The following PKIG variants were observed in gnomAD, a reference collection of about 807,000 sequenced individuals.
The protein encoded by PKIG is cAMP-dependent protein kinase inhibitor gamma.
Under a neutral mutation model 6.8 loss-of-function variants are expected in PKIG, and 1 was observed. The ratio of observed to expected loss-of-function variants is 0.15; its 90% CI spans 0.05 to 0.69. The LOEUF (loss-of-function observed/expected upper bound fraction) is 0.69. PKIG is among the 30% of genes least tolerant of loss of function. PKIG has a pLI of 0.82. For missense variants in PKIG, 77 were observed against 104.0 expected, an observed-to-expected ratio of 0.74 and a Z score of 1.13; for synonymous variants, 39 against 43.0, an observed-to-expected ratio of 0.91 and a Z score of 0.36.
intron 1 of PKIG, among the ~76,000 whole-genome samples, chr20:44,583,855 G>C (rs1465501263): frequency 4.6e-5 from 7 of 152,154 alleles, no homozygotes; most frequent in African/African-American, 1.7e-4. Flanking sequence ...TCCCAGAGTA[G>C]CTAAAAACGG....
At chr20:44,600,741 G>C (rs932788044) in intron 2 of PKIG, among the ~76,000 whole-genome samples, 1 of 151,984 alleles carries the variant, frequency 6.6e-6, no homozygotes, top group Non-Finnish European at 1.5e-5. Flanking sequence ...AATTGTCCAT[G>C]GGTGGTGAAG....
At chr20:44,548,854 CCACACACACACACACACA>C (rs11469110) in intron 1 of PKIG, among the ~76,000 whole-genome samples, 71 of 135,660 alleles carry the variant, frequency 5.2e-4, no homozygotes, top group South Asian at 5.1e-4. Flanking sequence ...ACTCCTCCCA[CCACACACACACACACACA>C]CACACACACA....
chr20:44,573,644 A>T (rs190696084), intron 1 of PKIG, among the ~76,000 whole-genome samples: 43 of 152,340 alleles, frequency 2.8e-4, no homozygotes, highest in African/African-American at 9.1e-4. Flanking sequence ...CCTCGCCCAC[A>T]CTGTGACCTC....
At chr20:44,582,172 A>G (rs4988944), upstream of PKIG, among the ~76,000 whole-genome samples, 4,089 of 152,264 alleles carry the variant, frequency 0.027, 197 homozygotes, top group Admixed American at 0.14. Flanking sequence ...ATTGGGCAGG[A>G]AGAAAGAGAT....
At chr20:44,602,800 C>T (rs1049321090) in intron 2 of PKIG, among the ~76,000 whole-genome samples, 6 of 147,668 alleles carry the variant, frequency 4.1e-5, no homozygotes, top group African/African-American at 1.5e-4. Context: ...GAGATCATGC[C>T]ACTGCACTCC....
At chr20:44,562,595 C>A in intron 1 of PKIG, among the ~76,000 whole-genome samples, 1 of 114,246 alleles carries the variant, frequency 8.8e-6, no homozygotes, top group Admixed American at 1.1e-4. Context: ...CAGTGAGACC[C>A]TGTCTCAAAA....
At chr20:44,589,092 G>T (rs1430418691) in intron 1 of PKIG, among the ~76,000 whole-genome samples, 1 of 151,992 alleles carries the variant, frequency 6.6e-6, no homozygotes, top group South Asian at 2.1e-4. Flanking sequence ...ACTGAAAATT[G>T]TTTAAAGTGT....
At chr20:44,598,114 G>A (rs1053166147) in intron 2 of PKIG, among the ~76,000 whole-genome samples, 2 of 152,172 alleles carry the variant, frequency 1.3e-5, no homozygotes, top group Admixed American at 6.5e-5. Context: ...AAGGCTGGCC[G>A]GCTGCTGCTC....
chr20:44,552,975 A>G (rs2064682178), intron 1 of PKIG, among the ~76,000 whole-genome samples: 1 of 152,124 alleles, frequency 6.6e-6, no homozygotes. Context: ...AACCACTTAT[A>G]TAATGTATAC....
chr20:44,563,767 G>A (rs908837367), intron 1 of PKIG, among the ~76,000 whole-genome samples: 4 of 152,068 alleles, frequency 2.6e-5, no homozygotes, highest in Non-Finnish European at 1.5e-5. Flanking sequence ...CTGGACTCAC[G>A]TGATCCTTCC....
At chr20:44,582,976 C>T (rs2064960931) in intron 1 of PKIG, among the ~76,000 whole-genome samples, 1 of 152,230 alleles carries the variant, frequency 6.6e-6, no homozygotes, top group African/African-American at 2.4e-5. Context: ...ACTCAAAGAA[C>T]TTTGACAGAG....
At chr20:44,559,353 C>A (rs1463256788) in intron 1 of PKIG, among the ~76,000 whole-genome samples, 1 of 152,168 alleles carries the variant, frequency 6.6e-6, no homozygotes. Flanking sequence ...CACATAGATA[C>A]ATTTTATTCT....
intron 2 of PKIG, among the ~76,000 whole-genome samples, chr20:44,610,500 T>TCTCACACACACACA (rs1555841182): frequency 0.019 from 2,618 of 134,614 alleles, 32 homozygotes; most frequent in Non-Finnish European, 0.023. Flanking sequence ...TCTCTCTCTC[T>TCTCACACACACACA]CACACACACA....
upstream of PKIG, among the ~76,000 whole-genome samples, chr20:44,579,727 C>T (rs1395567661): frequency 6.6e-6 from 1 of 152,148 alleles, no homozygotes; most frequent in Non-Finnish European, 1.5e-5. Context: ...CTGTCACAGA[C>T]GTAGAATTAT....
At chr20:44,557,805 C>T (rs1600850052) in intron 1 of PKIG, among the ~76,000 whole-genome samples, 1 of 151,696 alleles carries the variant, frequency 6.6e-6, no homozygotes, top group Admixed American at 6.6e-5. Flanking sequence ...GCCTGGGTGG[C>T]AGAGCAAGAC....
At position 44,614,459 on chromosome 20, in the gene PKIG, C is replaced by T; in HGVS notation, c.-23-75C>T. Reference sequence around the variant, plus strand: ...TGTCATTTTGACAGAAGCCACTGTGCTGGGGAACTGGAGCTGTCCTCTCTG... The same window carrying T: ...TGTCATTTTGACAGAAGCCACTGTGTTGGGGAACTGGAGCTGTCCTCTCTG... On this transcript the variant is annotated intron_variant, in intron 2 of 3. Transcript: ENST00000372886. The surrounding 1 kb of genome is among the most constrained non-coding windows in gnomAD (Gnocchi z 4.6). The T allele has an allele frequency of 9.3e-7, 1 of 1,071,000 alleles. No individual in the cohort carries two copies. Among genetic ancestry groups the T allele is most frequent in the South Asian group, 1.5e-5 (1 of 67,830 alleles). 66.3% of individuals were successfully genotyped at this position (1,071,000 alleles called of 1,614,324 possible).
At chr20:44,541,942 G>C (rs1283452762) in intron 1 of PKIG, among the ~76,000 whole-genome samples, 2 of 151,996 alleles carry the variant, frequency 1.3e-5, no homozygotes, top group African/African-American at 4.8e-5. Context: ...ACCCCCCTCG[G>C]CTTCCCAAAG....
chr20:44,594,670 C>T (rs944391708), intron 2 of PKIG, among the ~76,000 whole-genome samples: 1 of 152,136 alleles, frequency 6.6e-6, no homozygotes, highest in African/African-American at 2.4e-5. Context: ...CCCATTCCCA[C>T]CCCTCACCCC....
intron 1 of PKIG, among the ~76,000 whole-genome samples, chr20:44,551,301 A>T (rs1243872462): frequency 6.6e-6 from 1 of 152,106 alleles, no homozygotes; most frequent in East Asian, 1.9e-4. Context: ...TGATCTGCCC[A>T]CCTCGGCCTC....
Sources: allele counts gnomAD v4.1 joint callset (sites outside exome capture counted in the v4.1 genomes callset), GRCh38; gene constraint gnomAD v4.1.1; non-coding constraint Gnocchi (gnomAD v3.1); transcripts MANE v1.5; gene names NCBI Gene and HGNC (gene_info 2026-07-23, HGNC 2026-07-21).